Variants in SEMA6D observed in about 807,000 individuals in gnomAD.
SEMA6D encodes semaphorin 6D.
In SEMA6D, 35 loss-of-function variants were observed where a neutral mutation model predicts 106.6. The observed-to-expected ratio is 0.33, with a 90% confidence interval of 0.25 to 0.44. SEMA6D has a LOEUF of 0.44. Among genes scored for constraint, SEMA6D ranks in the 20% least tolerant of loss-of-function variants. SEMA6D has a pLI of 1.00. For missense variants in SEMA6D, 1,185 were observed against 1,345.9 expected (o/e 0.88, Z 1.87); for synonymous variants, 499 against 487.7 (o/e 1.02, Z -0.31).
At chr15:47,268,418 A>G (rs2034417882) in intron 1 of SEMA6D, among the ~76,000 whole-genome samples, 2 of 152,072 alleles carry the variant, frequency 1.3e-5, no homozygotes, top group Admixed American at 6.6e-5. Context: ...TGCACACCCA[A>G]CAAGGGATAT....
At chr15:47,308,409 C>G (rs562533900) in intron 1 of SEMA6D, among the ~76,000 whole-genome samples, 2 of 152,250 alleles carry the variant, frequency 1.3e-5, no homozygotes, top group African/African-American at 4.8e-5. Context: ...ATTCAATAAA[C>G]ATTAAGGCAT....
At chr15:47,422,006 C>G (rs937410816) in intron 2 of SEMA6D, among the ~76,000 whole-genome samples, 1 of 152,008 alleles carries the variant, frequency 6.6e-6, no homozygotes, top group African/African-American at 2.4e-5. Flanking sequence ...TTCCTTAGCA[C>G]ACAGAGCACA....
chr15:47,333,556 G>T (rs1490998422), intron 1 of SEMA6D, among the ~76,000 whole-genome samples: 2 of 152,052 alleles, frequency 1.3e-5, no homozygotes, highest in African/African-American at 4.8e-5. Flanking sequence ...GAATTTGATG[G>T]CAGGTATCAA....
chr15:47,736,058 GGTTT>G (rs1479174617), intron 1 of SEMA6D, among the ~76,000 whole-genome samples: 1 of 151,768 alleles, frequency 6.6e-6, no homozygotes, highest in African/African-American at 2.4e-5. Flanking sequence ...CAGTTTGTGG[GGTTT>G]GTTTATTTAT....
intron 4 of SEMA6D, among the ~76,000 whole-genome samples, chr15:47,688,952 T>A (rs1472148236): frequency 6.6e-6 from 1 of 152,218 alleles, no homozygotes; most frequent in African/African-American, 2.4e-5. Flanking sequence ...TCGTGCAAGT[T>A]GGCAAAGACA....
At chr15:47,225,227 A>G (rs1056149524) in intron 1 of SEMA6D, among the ~76,000 whole-genome samples, 1 of 151,894 alleles carries the variant, frequency 6.6e-6, no homozygotes, top group African/African-American at 2.4e-5. Flanking sequence ...TTTGTCAGAA[A>G]CTGTCAAACT....
At chr15:47,688,188 A>G (rs1010620678) in intron 4 of SEMA6D, among the ~76,000 whole-genome samples, 20 of 152,306 alleles carry the variant, frequency 1.3e-4, no homozygotes, top group Non-Finnish European at 1.2e-4. Context: ...CAGTGTGATG[A>G]TAGTATGTGT....
At chr15:47,598,617 G>GA in intron 3 of SEMA6D, among the ~76,000 whole-genome samples, 1 of 152,166 alleles carries the variant, frequency 6.6e-6, no homozygotes, top group Non-Finnish European at 1.5e-5. Context: ...GTCTTCACCT[G>GA]AAAAAATTAA....
intron 3 of SEMA6D, among the ~76,000 whole-genome samples, chr15:47,581,071 A>G (rs971683581): frequency 1.3e-5 from 2 of 152,204 alleles, no homozygotes; most frequent in Non-Finnish European, 2.9e-5. Flanking sequence ...CTATCGCATT[A>G]CAATCACTCA....
At chr15:47,397,022 TACA>T (rs1267327183) in intron 1 of SEMA6D, among the ~76,000 whole-genome samples, 2 of 152,180 alleles carry the variant, frequency 1.3e-5, no homozygotes, top group Non-Finnish European at 2.9e-5. Flanking sequence ...CACAGAACAT[TACA>T]ACAAGTGTGG....
intron 1 of SEMA6D, among the ~76,000 whole-genome samples, chr15:47,291,717 T>G (rs2035600431): frequency 6.6e-6 from 1 of 152,228 alleles, no homozygotes; most frequent in South Asian, 2.1e-4. Flanking sequence ...AACCTCCTTC[T>G]AGCACTCATA....
chr15:47,646,209 T>A (rs192911623), intron 4 of SEMA6D, among the ~76,000 whole-genome samples: 2 of 152,238 alleles, frequency 1.3e-5, no homozygotes, highest in African/African-American at 4.8e-5. Context: ...TGAAGCTATC[T>A]AGGGACTCCC....
chr15:47,731,625 G>A (rs926194997), intron 1 of SEMA6D, among the ~76,000 whole-genome samples: 1 of 152,146 alleles, frequency 6.6e-6, no homozygotes, highest in African/African-American at 2.4e-5. Context: ...TCCATGGGAA[G>A]GCAGATAAGT....
At position 47,771,067 on chromosome 15, in the gene SEMA6D, A is replaced by G. The variant is rs1597107051; in HGVS notation, c.2504A>G (p.His835Arg). The change falls in exon 19 of 19, where the codon CAT (histidine) becomes CGT (arginine). Residue 835 changes from histidine (H) to arginine (R), a missense_variant. By Grantham distance (29) the His-to-Arg change is conservative. This residue lies in a region of SEMA6D where 750 missense variants were observed against 783.5 expected (regional missense o/e 0.96). Transcript: ENST00000536845. The stretch of plus-strand genomic sequence containing the variant: ...GCCATTGTTCTTCCAAATGCTACCC[A>G]TGACTACAACACGTCTTTCTCAAAC... ...PSAIVLPNAT[H>R]DYNTSFSNSN... 1 of 1,614,146 alleles carries G rather than the reference A, an allele frequency of 6.2e-7. No homozygotes were observed. Among genetic ancestry groups the G allele is most frequent in the Non-Finnish European group, 8.5e-7 (1 of 1,180,008 alleles).
chr15:47,435,720 A>T (rs971356328), intron 2 of SEMA6D, among the ~76,000 whole-genome samples: 4 of 152,088 alleles, frequency 2.6e-5, no homozygotes, highest in South Asian at 2.1e-4. Context: ...GACATTTTTT[A>T]AAAAACTGTT....
chr15:47,580,007 C>G (rs186921378), intron 3 of SEMA6D, among the ~76,000 whole-genome samples: 1 of 152,150 alleles, frequency 6.6e-6, no homozygotes, highest in African/African-American at 2.4e-5. Flanking sequence ...TGACCTTTTA[C>G]GTAGTAGTGC....
intron 3 of SEMA6D, among the ~76,000 whole-genome samples, chr15:47,481,737 G>A (rs1215877146): frequency 3.3e-5 from 5 of 152,108 alleles, no homozygotes; most frequent in African/African-American, 9.7e-5. Flanking sequence ...TTCCTTTTAT[G>A]TGCTAAATCC....
chr15:47,464,852 C>T (rs2042612857), intron 2 of SEMA6D, among the ~76,000 whole-genome samples: 2 of 152,122 alleles, frequency 1.3e-5, no homozygotes, highest in Admixed American at 1.3e-4. Context: ...TTGCTCCACC[C>T]CACTGATAAA....
chr15:47,547,300 G>A (rs1354473272), intron 3 of SEMA6D, among the ~76,000 whole-genome samples: 2 of 152,040 alleles, frequency 1.3e-5, no homozygotes, highest in South Asian at 2.1e-4. Context: ...TCCCGGAAAC[G>A]GTAGCAACAC....
Sources: allele counts gnomAD v4.1 joint callset (sites outside exome capture counted in the v4.1 genomes callset), GRCh38; gene constraint gnomAD v4.1.1; regional missense constraint gnomAD v4.1.1; transcripts MANE v1.5; gene names NCBI Gene and HGNC (gene_info 2026-07-23, HGNC 2026-07-21).